LRRC7: variants seen among roughly 807,000 people sequenced by gnomAD.
LRRC7 encodes the protein leucine-rich repeat-containing protein 7.
LRRC7 carries 23 observed loss-of-function variants against 175.7 expected under a neutral mutation model. The ratio of observed to expected loss-of-function variants is 0.13; its 90% CI spans 0.09 to 0.19. LRRC7 has a LOEUF of 0.19. LRRC7 is among the 10% of genes least tolerant of loss of function. LRRC7 has a pLI of 1.00. For missense variants in LRRC7, 1,354 were observed against 1,904.7 expected (o/e 0.71, Z 5.38); for synonymous variants, 685 against 680.9 (o/e 1.01, Z -0.09).
intron 3 of LRRC7, among the ~76,000 whole-genome samples, chr1:69,781,725 A>G (rs796267050): frequency 5.9e-5 from 2 of 34,114 alleles, no homozygotes; most frequent in African/African-American, 1.7e-4. Flanking sequence ...GAAAGAAAGA[A>G]AGAAAGAAAG....
At chr1:69,820,201 T>G (rs921382284) in intron 4 of LRRC7, among the ~76,000 whole-genome samples, 1 of 152,112 alleles carries the variant, frequency 6.6e-6, no homozygotes, top group Non-Finnish European at 1.5e-5. Context: ...CTATAGGTCT[T>G]TGCTTTGTGG....
chr1:69,816,089 T>C (rs933149367), intron 4 of LRRC7, among the ~76,000 whole-genome samples: 20 of 152,126 alleles, frequency 1.3e-4, no homozygotes, highest in Admixed American at 1.1e-3. Context: ...CAAGCAATTC[T>C]GCCTCAGCCT....
chr1:69,921,596 C>G (rs956676728), intron 7 of LRRC7, among the ~76,000 whole-genome samples: 1 of 152,174 alleles, frequency 6.6e-6, no homozygotes, highest in Non-Finnish European at 1.5e-5. Flanking sequence ...TATCTGACAT[C>G]ACATTATTCA....
chr1:69,971,846 C>T (rs1570859666), intron 8 of LRRC7, among the ~76,000 whole-genome samples: 1 of 151,962 alleles, frequency 6.6e-6, no homozygotes, highest in Non-Finnish European at 1.5e-5. Context: ...AAATCTGGAG[C>T]CATCACATTA....
chr1:69,639,958 G>T (rs1418250815), intron 1 of LRRC7, among the ~76,000 whole-genome samples: 1 of 151,680 alleles, frequency 6.6e-6, no homozygotes, highest in Non-Finnish European at 1.5e-5. Context: ...AACTGTCTGT[G>T]ACTCTAGATA....
At chr1:70,085,409 T>G (rs1663530879) in intron 24 of LRRC7, among the ~76,000 whole-genome samples, 1 of 152,162 alleles carries the variant, frequency 6.6e-6, no homozygotes, top group African/African-American at 2.4e-5. Context: ...GTGAATTACC[T>G]TGAACCCTTT....
chr1:69,997,917 A>G (rs1230345221), intron 11 of LRRC7, among the ~76,000 whole-genome samples: 1 of 152,154 alleles, frequency 6.6e-6, no homozygotes, highest in East Asian at 1.9e-4. Flanking sequence ...TGGCCTCATA[A>G]AATGAGTTAG....
chr1:69,890,880 C>T (rs1373686158), intron 7 of LRRC7, among the ~76,000 whole-genome samples: 1 of 152,218 alleles, frequency 6.6e-6, no homozygotes, highest in Admixed American at 6.5e-5. Context: ...TCTTCTTCAG[C>T]TTCCTTACTT....
intron 7 of LRRC7, among the ~76,000 whole-genome samples, chr1:69,891,065 T>A (rs1645819043): frequency 6.6e-6 from 1 of 152,250 alleles, no homozygotes; most frequent in South Asian, 2.1e-4. Flanking sequence ...AGTGGCACTT[T>A]TGATTTCCTT....
Position 69,717,936 on chromosome 1 carries a change from G to GAAGAA in LRRC7, c.100+39460_100+39461insGAAAA, listed in dbSNP as rs1553145969. 2.0e-3 allele frequency among the ~76,000 whole-genome samples: 146 copies of GAAGAA among 72,800 alleles called. 10 individuals carry two copies. Among genetic ancestry groups the GAAGAA allele is most frequent in the African/African-American group, 6.7e-3 (100 of 14,928 alleles). The allele number at this position is 72,800 out of a possible 152,430, so 47.8% of individuals were successfully genotyped here. ...GAAAGAGAGAAAAAAAGAAAAGAAA[G>GAAGAA]AAAGAAAGAAAGAAAGAAAGAAGAA... On this transcript the variant is annotated intron_variant, in intron 2 of 26. Coordinates refer to ENST00000651989, the MANE Select transcript of LRRC7 (RefSeq NM_001370785.2).
intron 7 of LRRC7, chr1:69,879,471 A>G (rs1044097695): frequency 6.6e-6 from 1 of 152,124 alleles, no homozygotes; most frequent in Non-Finnish European, 1.5e-5. Flanking sequence ...CACATCTCCA[A>G]ACCCCTAGGA....
At chr1:69,776,080 G>A (rs1001952153) in intron 3 of LRRC7, among the ~76,000 whole-genome samples, 1 of 152,080 alleles carries the variant, frequency 6.6e-6, no homozygotes, top group Non-Finnish European at 1.5e-5. Flanking sequence ...TCTTAGAGTT[G>A]GGCAGACTTA....
chr1:69,933,179 C>G lies in LRRC7; in HGVS notation c.711+1609C>G, dbSNP rs570859948. Among the ~76,000 whole-genome samples, 3 of 152,298 alleles carry G rather than the reference C, an allele frequency of 2.0e-5. No homozygotes were observed. In the South Asian group the frequency reaches 6.2e-4, roughly 32 times the overall value. ...ACATAACATACAAACTGAGAGACACCAAGTAAAGCTGAATTCCAGAGACTT... is the reference window on the plus strand; with the variant it reads ...ACATAACATACAAACTGAGAGACACGAAGTAAAGCTGAATTCCAGAGACTT... On this transcript the variant is annotated intron_variant, in intron 8 of 26. Transcript: ENST00000651989.
chr1:69,790,690 C>T (rs1371561333), intron 3 of LRRC7, among the ~76,000 whole-genome samples: 1 of 151,668 alleles, frequency 6.6e-6, no homozygotes, highest in East Asian at 1.9e-4. Flanking sequence ...TTAACTTATA[C>T]CAGGAGTGTA....
chr1:69,718,113 GAA>G (rs1553146072), intron 2 of LRRC7, among the ~76,000 whole-genome samples: 1 of 75,650 alleles, frequency 1.3e-5, no homozygotes, highest in Non-Finnish European at 2.9e-5. Flanking sequence ...GAGAGAAAAA[GAA>G]AGAAAGAAAG....
chr1:70,019,148 AG>A (rs1657224290), intron 15 of LRRC7, among the ~76,000 whole-genome samples: 1 of 152,034 alleles, frequency 6.6e-6, no homozygotes, highest in Admixed American at 6.6e-5. Context: ...ATGAGCTAAG[AG>A]CAGTCAGATC....
intron 7 of LRRC7, among the ~76,000 whole-genome samples, chr1:69,865,392 A>G (rs1684803614): frequency 6.6e-6 from 1 of 151,160 alleles, no homozygotes. Flanking sequence ...GCCAACACTA[A>G]TAGGCACCAG....
chr1:69,718,101 A>AAGAG (rs6143269), intron 2 of LRRC7, among the ~76,000 whole-genome samples: 39,208 of 102,858 alleles, frequency 0.38, 7,140 homozygotes, highest in African/African-American at 0.47. Flanking sequence ...AAAGAGAAGA[A>AAGAG]AGAGAGAAAA....
intron 2 of LRRC7, among the ~76,000 whole-genome samples, chr1:69,757,429 A>G (rs986682007): frequency 5.3e-5 from 8 of 152,012 alleles, no homozygotes; most frequent in Non-Finnish European, 8.8e-5. Flanking sequence ...CTGAGCCTCA[A>G]TAAAGATGTT....
Sources: gnomAD v4.1 joint callset for allele counts (sites outside exome capture counted in the v4.1 genomes callset) on GRCh38, gnomAD v4.1.1 for gene constraint, MANE v1.5 for transcripts, NCBI Gene and HGNC (gene_info 2026-07-23, HGNC 2026-07-21) for gene names.